The following KIF26B variants were observed in gnomAD, a reference collection of about 807,000 sequenced individuals.
KIF26B encodes kinesin family member 26B, also known as kinesin-like protein KIF26B.
KIF26B carries 63 observed loss-of-function variants against 151.2 expected under a neutral mutation model. The ratio of observed to expected loss-of-function variants is 0.42; its 90% CI spans 0.34 to 0.51. The LOEUF is 0.51. Among genes scored for constraint, KIF26B ranks in the 20% least tolerant of loss-of-function variants. KIF26B has a pLI of 0.07. For missense variants in KIF26B, 2,813 were observed against 2,913.6 expected, an observed-to-expected ratio of 0.97 and a Z score of 0.79; for synonymous variants, 1,357 against 1,262.1, an observed-to-expected ratio of 1.08 and a Z score of -1.59.
chr1:245,353,525 G>A (rs1269727210), intron 2 of KIF26B, among the ~76,000 whole-genome samples: 1 of 152,162 alleles, frequency 6.6e-6, no homozygotes, highest in African/African-American at 2.4e-5. Flanking sequence ...TCATTGCCCT[G>A]CAGCCACCCA....
chr1:245,687,198 AGAGCCG>A lies in KIF26B; in HGVS notation c.4219_4224del (p.Pro1407_Glu1408del). The A allele has an allele frequency of 6.2e-7, 1 of 1,613,006 alleles. No individual in the cohort carries two copies. Among genetic ancestry groups the A allele is most frequent in the Non-Finnish European group, 8.5e-7 (1 of 1,179,690 alleles). On this transcript the variant is annotated inframe_deletion, in exon 12 of 15. Transcript: ENST00000407071. This position sits in a 1 kb window ranked among gnomAD's most constrained non-coding sequence, Gnocchi z 4.9. The stretch of plus-strand genomic sequence containing the variant: ...TTGCCATGAGCCCCCGGAACATCCA[AGAGCCG>A]GAGGCCCCCACCGCCACCCCCAAAG...
At position 245,632,647 on chromosome 1, in the gene KIF26B, C is replaced by T. The variant is rs558095396; in HGVS notation, c.2099-13474C>T. On this transcript the variant is annotated intron_variant, in intron 9 of 14. Coordinates refer to ENST00000407071, the MANE Select transcript of KIF26B (RefSeq NM_018012.4). ...CCAGGACCAGGCACATTGGCTCACACCTGTAATCCCAGCACTTTGGAAGGC... is the reference window on the plus strand; with the variant it reads ...CCAGGACCAGGCACATTGGCTCACATCTGTAATCCCAGCACTTTGGAAGGC... 1.5e-3 allele frequency among the ~76,000 whole-genome samples: 233 copies of T among 152,324 alleles called. 1 individual carries two copies. Among genetic ancestry groups the T allele is most frequent in the African/African-American group, 5.3e-3 (221 of 41,558 alleles).
At chr1:245,524,594 T>C (rs1208835015) in intron 4 of KIF26B, among the ~76,000 whole-genome samples, 2 of 152,206 alleles carry the variant, frequency 1.3e-5, no homozygotes, top group Non-Finnish European at 2.9e-5. Flanking sequence ...GATAATAAGA[T>C]GAAGGATATC....
At chr1:245,357,327 C>A (rs1572020879) in intron 2 of KIF26B, among the ~76,000 whole-genome samples, 1 of 152,134 alleles carries the variant, frequency 6.6e-6, no homozygotes, top group Non-Finnish European at 1.5e-5. Context: ...ACGGTTTCTG[C>A]CCCCTAGGAA....
Position 245,488,317 on chromosome 1 carries a change from A to G in KIF26B, c.1167-52450A>G, listed in dbSNP as rs534426531. ...AAAGAATCCTCTAACCATATGGGGA[A>G]AAAAAAAAATCAGCAACAACTTTGT... On this transcript the variant is annotated intron_variant, in intron 4 of 14. Coordinates refer to ENST00000407071, the MANE Select transcript of KIF26B (RefSeq NM_018012.4). The surrounding 1 kb of genome is among the most constrained non-coding windows in gnomAD (Gnocchi z 4.6). 6.8e-6 allele frequency among the ~76,000 whole-genome samples: 1 copy of G among 148,066 alleles called. No individual in the cohort carries two copies. The highest frequency in any genetic ancestry group is 6.7e-5 in the Admixed American group (1 of 14,898).
intron 5 of KIF26B, among the ~76,000 whole-genome samples, chr1:245,589,413 C>A (rs983307458): frequency 1.8e-4 from 28 of 152,124 alleles, no homozygotes; most frequent in African/African-American, 6.8e-4. Context: ...GCCATCTGTC[C>A]CCAGGCGGCA....
intron 4 of KIF26B, among the ~76,000 whole-genome samples, chr1:245,486,759 C>A (rs1376804277): frequency 6.6e-6 from 1 of 152,142 alleles, no homozygotes; most frequent in Non-Finnish European, 1.5e-5. Context: ...CAGCCTCGGC[C>A]TCCCAGGCTC....
intron 3 of KIF26B, among the ~76,000 whole-genome samples, chr1:245,379,719 C>T (rs1395938198): frequency 1.3e-5 from 2 of 151,728 alleles, no homozygotes. Flanking sequence ...GCCTGTAATC[C>T]CAGCACTTTG....
intron 3 of KIF26B, among the ~76,000 whole-genome samples, chr1:245,373,902 A>T (rs1265832903): frequency 6.7e-6 from 1 of 150,232 alleles, no homozygotes; most frequent in African/African-American, 2.4e-5. Flanking sequence ...TCTACACAGA[A>T]ATAAAAAATC....
intron 4 of KIF26B, among the ~76,000 whole-genome samples, chr1:245,440,187 C>G (rs1216952152): frequency 6.6e-6 from 1 of 150,936 alleles, no homozygotes; most frequent in Admixed American, 6.6e-5. Context: ...TGCCACTGCA[C>G]ACCAGCCTGG....
At position 245,602,795 on chromosome 1, in the gene KIF26B, C is replaced by T; in HGVS notation, c.1557+12C>T. 6.2e-7 allele frequency: 1 copy of T among 1,612,234 alleles called. No individual in the cohort carries two copies. The highest frequency in any genetic ancestry group is 8.5e-7 in the Non-Finnish European group (1 of 1,179,384). ...AAGACGCTTCTCAGGTGGGTATCAG[C>T]CCCCTCTCAGGCTCAGGCAACGTTG... On this transcript the variant is annotated intron_variant, in intron 6 of 14. Transcript: ENST00000407071. This position sits in a 1 kb window ranked among gnomAD's most constrained non-coding sequence, Gnocchi z 4.5.
intron 2 of KIF26B, among the ~76,000 whole-genome samples, chr1:245,174,430 AAAAAG>A (rs1284036935): frequency 1.3e-5 from 2 of 152,206 alleles, no homozygotes; most frequent in Non-Finnish European, 2.9e-5. Flanking sequence ...TACAAGAAAA[AAAAAG>A]AGAGAGAAGG....
In KIF26B at chr1:245,682,905, G is replaced by C. The variant is rs553031388; in HGVS notation, c.2259-1328G>C. On this transcript the variant is annotated intron_variant, in intron 10 of 14. Transcript: ENST00000407071. ...GTTCTGAAGGAGTTAAACTTTCACA[G>C]CTCCTCCTCCTCCTCCTCCTCCTCT... is the stretch of plus-strand genomic sequence containing the variant. Among the ~76,000 whole-genome samples the C allele has an allele frequency of 4.0e-5, 6 of 151,522 alleles. No individual in the cohort carries two copies. In the East Asian group the frequency reaches 9.7e-4, roughly 24 times the overall value.
At chr1:245,469,889 TAAAC>T (rs1337459538) in intron 4 of KIF26B, among the ~76,000 whole-genome samples, 2 of 152,056 alleles carry the variant, frequency 1.3e-5, no homozygotes, top group Non-Finnish European at 2.9e-5. Context: ...ATTGCACAAT[TAAAC>T]AGGTGCAGAA....
At chr1:245,573,683 G>A (rs1375279291) in intron 5 of KIF26B, among the ~76,000 whole-genome samples, 7 of 150,062 alleles carry the variant, frequency 4.7e-5, no homozygotes, top group Non-Finnish European at 8.9e-5. Context: ...AACTGGCCAA[G>A]GAAAAAAAAA....
chr1:245,311,601 C>G (rs2102982546), intron 2 of KIF26B, among the ~76,000 whole-genome samples: 1 of 151,846 alleles, frequency 6.6e-6, no homozygotes, highest in Non-Finnish European at 1.5e-5. Context: ...GACCCTGTCT[C>G]TAAAATAAAA....
chr1:245,225,698 C>A (rs76432001), intron 2 of KIF26B, among the ~76,000 whole-genome samples: 1,840 of 152,288 alleles, frequency 0.012, 16 homozygotes, highest in Middle Eastern at 0.024. Flanking sequence ...AGAGGCATTC[C>A]CCTTTCCTCG....
Position 245,536,309 on chromosome 1 carries a change from T to C in KIF26B, c.1167-4458T>C, listed in dbSNP as rs374385407. On this transcript the variant is annotated intron_variant, in intron 4 of 14. Transcript: ENST00000407071. ...AGAGCTTTCTTGAAAGACTCTTTCCTTCCTCTTTCTCCAGGTTTCTTTTCT... is the reference window on the plus strand; with the variant it reads ...AGAGCTTTCTTGAAAGACTCTTTCCCTCCTCTTTCTCCAGGTTTCTTTTCT... Among the ~76,000 whole-genome samples the C allele has an allele frequency of 2.2e-4, 34 of 152,344 alleles. 1 individual carries two copies. The highest frequency in any genetic ancestry group is 7.7e-4 in the African/African-American group (32 of 41,582).
intron 3 of KIF26B, among the ~76,000 whole-genome samples, chr1:245,389,425 C>T (rs530817360): frequency 2.6e-5 from 4 of 151,694 alleles, no homozygotes; most frequent in African/African-American, 9.6e-5. Flanking sequence ...AAAAAAAAAG[C>T]CCATTTTCCA....
Sources: allele counts gnomAD v4.1 joint callset (sites outside exome capture counted in the v4.1 genomes callset), GRCh38; gene constraint gnomAD v4.1.1; non-coding constraint Gnocchi (gnomAD v3.1); transcripts MANE v1.5; gene names NCBI Gene and HGNC (gene_info 2026-07-23, HGNC 2026-07-21).